SSBP2: variants seen among roughly 807,000 people sequenced by gnomAD.
The protein encoded by SSBP2 is single stranded DNA binding protein 2, also known as single-stranded DNA-binding protein 2.
SSBP2 carries 17 observed loss-of-function variants against 61.8 expected under a neutral mutation model. The observed-to-expected ratio is 0.28, with a 90% CI of 0.19 to 0.41. The LOEUF is 0.41. Among genes scored for constraint, SSBP2 ranks in the 10% least tolerant of loss-of-function variants. SSBP2 has a pLI of 1.00. For missense variants in SSBP2, 310 were observed against 458.7 expected (o/e 0.68, Z 2.96); for synonymous variants, 139 against 141.3 (o/e 0.98, Z 0.12).
In SSBP2 at chr5:81,612,675, A is replaced by C. The variant is rs187579717; in HGVS notation, c.282+2798T>G. 9.7e-4 allele frequency among the ~76,000 whole-genome samples: 148 copies of C among 152,220 alleles called. 1 individual carries two copies. Among genetic ancestry groups the C allele is most frequent in the Non-Finnish European group, 5.9e-4 (40 of 67,916 alleles). ...TAAGACTAATTTTAAACATTTATAC[A>C]TGCAAGTGAACATTTTTAACGCTAA... On this transcript the variant is annotated intron_variant, in intron 4 of 16. Transcript: ENST00000320672.
chr5:81,571,261 C>T (rs546657388), intron 4 of SSBP2, among the ~76,000 whole-genome samples: 2 of 152,270 alleles, frequency 1.3e-5, no homozygotes, highest in East Asian at 3.9e-4. Flanking sequence ...ATGTGCTTTG[C>T]TGATTTTCTC....
chr5:81,693,755 T>C lies in SSBP2; in HGVS notation c.63-43416A>G, dbSNP rs940497406. Among the ~76,000 whole-genome samples the C allele has an allele frequency of 6.6e-5, 10 of 152,294 alleles. No individual in the cohort carries two copies. In the East Asian group the frequency reaches 1.3e-3, roughly 21 times the overall value. On this transcript the variant is annotated intron_variant, in intron 1 of 16. Transcript: ENST00000320672. ...GGAATATAAATTAGTACAACCACTA[T>C]AGAGAATAGTTTGGAAGTTCCTCAA... is the stretch of plus-strand genomic sequence containing the variant.
At chr5:81,741,124 C>T (rs895628223) in intron 1 of SSBP2, among the ~76,000 whole-genome samples, 1 of 152,180 alleles carries the variant, frequency 6.6e-6, no homozygotes, top group Non-Finnish European at 1.5e-5. Context: ...TGGCCCTGGA[C>T]AAAATATAAA....
intron 1 of SSBP2, among the ~76,000 whole-genome samples, chr5:81,672,634 C>T (rs1165707339): frequency 1.4e-4 from 21 of 150,500 alleles, no homozygotes; most frequent in Admixed American, 1.4e-3. Context: ...TGTAATGGCA[C>T]GATCTTGACT....
intron 4 of SSBP2, among the ~76,000 whole-genome samples, chr5:81,613,476 G>A (rs764325580): frequency 2.6e-4 from 39 of 152,232 alleles, no homozygotes; most frequent in Admixed American, 4.6e-4. Flanking sequence ...TGAAAGTGAC[G>A]ATGACAACGA....
chr5:81,467,073 A>T lies in SSBP2; in HGVS notation c.571-32T>A. On this transcript the variant is annotated intron_variant, in intron 8 of 16. Transcript: ENST00000320672. ...TGATAACCAAGGGTCAGACTACCACAAAACAAAAAAACAAAACCAAAGAGG... is the reference window on the plus strand; with the variant it reads ...TGATAACCAAGGGTCAGACTACCACTAAACAAAAAAACAAAACCAAAGAGG... 1.9e-6 allele frequency: 3 copies of T among 1,574,552 alleles called. No homozygotes were observed. Among genetic ancestry groups the T allele is most frequent in the Non-Finnish European group, 2.6e-6 (3 of 1,152,616 alleles).
intron 4 of SSBP2, among the ~76,000 whole-genome samples, chr5:81,609,789 T>C (rs1208288571): frequency 6.6e-6 from 1 of 152,224 alleles, no homozygotes; most frequent in Non-Finnish European, 1.5e-5. Flanking sequence ...ATTGGTTTTT[T>C]ACACTGTTGT....
intron 1 of SSBP2, among the ~76,000 whole-genome samples, chr5:81,729,635 T>TGA (rs1347438726): frequency 6.6e-6 from 1 of 152,198 alleles, no homozygotes; most frequent in African/African-American, 2.4e-5. Flanking sequence ...TTTAACACTA[T>TGA]GAGTATTAGG....
intron 4 of SSBP2, among the ~76,000 whole-genome samples, chr5:81,564,779 T>C: frequency 6.6e-6 from 1 of 152,196 alleles, no homozygotes; most frequent in East Asian, 1.9e-4. Context: ...GGTCAGATAT[T>C]TACAAACTTT....
At position 81,506,236 on chromosome 5, in the gene SSBP2, AT is replaced by A. The variant is rs199759120; in HGVS notation, c.372+7391del. On this transcript the variant is annotated intron_variant, in intron 5 of 16. Coordinates refer to ENST00000320672, the MANE Select transcript of SSBP2 (RefSeq NM_012446.5). ...GTGTTCTTTAAAGATACAAAATTAT[AT>A]TTTTAAGAAAATTAAACTTAATTTT... is the stretch of plus-strand genomic sequence containing the variant. 6.1e-3 allele frequency among the ~76,000 whole-genome samples: 929 copies of A among 152,226 alleles called. 13 individuals are homozygous for A. The highest frequency in any genetic ancestry group is 0.021 in the African/African-American group (889 of 41,528).
At chr5:81,484,360 G>A (rs1044023926) in intron 6 of SSBP2, among the ~76,000 whole-genome samples, 1 of 151,948 alleles carries the variant, frequency 6.6e-6, no homozygotes, top group African/African-American at 2.4e-5. Flanking sequence ...CTTAAATTAG[G>A]TAAGACTGAA....
At chr5:81,567,601 A>G (rs756754802) in intron 4 of SSBP2, among the ~76,000 whole-genome samples, 71 of 150,928 alleles carry the variant, frequency 4.7e-4, no homozygotes, top group African/African-American at 1.2e-3. Flanking sequence ...TACTGGACCT[A>G]TGAGAAGAAG....
At chr5:81,582,687 C>T (rs1348209722) in intron 4 of SSBP2, among the ~76,000 whole-genome samples, 1 of 152,086 alleles carries the variant, frequency 6.6e-6, no homozygotes, top group Non-Finnish European at 1.5e-5. Flanking sequence ...TCCACCTCCC[C>T]AGTTCAAGCA....
chr5:81,548,039 T>A (rs186630224), intron 4 of SSBP2, among the ~76,000 whole-genome samples: 3 of 152,232 alleles, frequency 2.0e-5, no homozygotes, highest in African/African-American at 7.2e-5. Flanking sequence ...TATATACGTA[T>A]CCCAGAACTT....
chr5:81,484,764 ATTTAC>A (rs1361399709), intron 6 of SSBP2, among the ~76,000 whole-genome samples: 3 of 152,138 alleles, frequency 2.0e-5, no homozygotes, highest in Non-Finnish European at 2.9e-5. Context: ...ATATACCATA[ATTTAC>A]TTAACCACTC....
At chr5:81,649,687 G>A (rs533067941) in intron 2 of SSBP2, among the ~76,000 whole-genome samples, 1 of 151,766 alleles carries the variant, frequency 6.6e-6, no homozygotes, top group South Asian at 2.1e-4. Context: ...CTTACTACCT[G>A]GTGACAGTAT....
intron 10 of SSBP2, among the ~76,000 whole-genome samples, chr5:81,455,625 C>CAAAAAAAAAAA (rs537363119): frequency 8.0e-5 from 1 of 12,578 alleles, no homozygotes; most frequent in Non-Finnish European, 1.1e-4. Context: ...GACTCCGTCT[C>CAAAAAAAAAAA]AAAAAAAAAA....
intron 4 of SSBP2, among the ~76,000 whole-genome samples, chr5:81,547,405 A>G (rs1185623179): frequency 1.3e-5 from 2 of 152,196 alleles, no homozygotes; most frequent in East Asian, 3.8e-4. Flanking sequence ...ACATCCAGAC[A>G]ACGGAATATT....
At chr5:81,729,592 ATACTC>A (rs1756119889) in intron 1 of SSBP2, among the ~76,000 whole-genome samples, 1 of 152,220 alleles carries the variant, frequency 6.6e-6, no homozygotes, top group African/African-American at 2.4e-5. Flanking sequence ...TATTAACTCA[ATACTC>A]TATACTTAAA....
Sources: allele counts gnomAD v4.1 joint callset (sites outside exome capture counted in the v4.1 genomes callset), GRCh38; gene constraint gnomAD v4.1.1; transcripts MANE v1.5; gene names NCBI Gene and HGNC (gene_info 2026-07-23, HGNC 2026-07-21).